The following CSMD3 variants were observed in gnomAD, a reference collection of about 807,000 sequenced individuals.
CSMD3 encodes the protein CUB and Sushi multiple domains 3.
A neutral mutation model predicts 435.2 loss-of-function variants in CSMD3; 177 were observed. The ratio of observed to expected loss-of-function variants is 0.41; its 90% CI spans 0.36 to 0.46. The LOEUF is 0.46. CSMD3 is among the 20% of genes least tolerant of loss of function. CSMD3 has a pLI of 0.34. For missense variants in CSMD3, 4,265 were observed against 4,504.6 expected (o/e 0.95, Z 1.52); for synonymous variants, 1,656 against 1,520.5 (o/e 1.09, Z -2.07).
At chr8:112,456,415 C>T (rs990110275) in intron 32 of CSMD3, among the ~76,000 whole-genome samples, 4 of 151,932 alleles carry the variant, frequency 2.6e-5, no homozygotes, top group Non-Finnish European at 5.9e-5. Flanking sequence ...GCAATAAGCA[C>T]TGAGTAGAAA....
chr8:113,418,122 A>T (rs2094590959), intron 1 of CSMD3, among the ~76,000 whole-genome samples: 1 of 152,084 alleles, frequency 6.6e-6, no homozygotes, highest in Non-Finnish European at 1.5e-5. Flanking sequence ...ACAGACATTG[A>T]CCTTTCATAT....
chr8:112,981,588 A>G (rs962562666), intron 6 of CSMD3, among the ~76,000 whole-genome samples: 1 of 151,662 alleles, frequency 6.6e-6, no homozygotes, highest in Non-Finnish European at 1.5e-5. Context: ...TAAATAAATA[A>G]TATATTTGCA....
chr8:112,777,314 A>G (rs1676917959), intron 13 of CSMD3, among the ~76,000 whole-genome samples: 1 of 151,774 alleles, frequency 6.6e-6, no homozygotes, highest in African/African-American at 2.4e-5. Flanking sequence ...TATTGGTTGT[A>G]TTTTATACTC....
intron 28 of CSMD3, among the ~76,000 whole-genome samples, chr8:112,507,139 A>G (rs1471555873): frequency 2.0e-5 from 3 of 152,188 alleles, no homozygotes; most frequent in African/African-American, 7.2e-5. Flanking sequence ...GCATTAAAAA[A>G]GTGATAAAGA....
chr8:112,750,545 T>G (rs902502397), intron 13 of CSMD3, among the ~76,000 whole-genome samples: 2 of 152,038 alleles, frequency 1.3e-5, no homozygotes, highest in Admixed American at 1.3e-4. Flanking sequence ...TAGTAAAATT[T>G]TTAACAGTAT....
chr8:113,047,837 G>C (rs2087902235), intron 5 of CSMD3, among the ~76,000 whole-genome samples: 2 of 152,110 alleles, frequency 1.3e-5, no homozygotes, highest in Non-Finnish European at 2.9e-5. Flanking sequence ...AGGTCTGGGT[G>C]TGTGTCACAG....
At chr8:113,318,844 T>C (rs999670999) in intron 1 of CSMD3, among the ~76,000 whole-genome samples, 10 of 148,188 alleles carry the variant, frequency 6.7e-5, no homozygotes, top group Non-Finnish European at 1.3e-4. Context: ...CCATTGTGTA[T>C]ATATAAAAAG....
intron 26 of CSMD3, among the ~76,000 whole-genome samples, chr8:112,551,610 T>C (rs1482416641): frequency 6.6e-6 from 1 of 152,112 alleles, no homozygotes; most frequent in African/African-American, 2.4e-5. Context: ...GGTGAATTTA[T>C]TACTTTCAAG....
chr8:113,154,629 G>A (rs1225248810), intron 4 of CSMD3, among the ~76,000 whole-genome samples: 1 of 152,024 alleles, frequency 6.6e-6, no homozygotes, highest in Non-Finnish European at 1.5e-5. Flanking sequence ...GTGAATAACA[G>A]AAGTAAACAT....
chr8:112,883,471 G>GT (rs2081504257), intron 10 of CSMD3, among the ~76,000 whole-genome samples: 1 of 151,864 alleles, frequency 6.6e-6, no homozygotes, highest in South Asian at 2.1e-4. Flanking sequence ...AATAGGTAGT[G>GT]TTTTTCTAAC....
At chr8:112,450,370 C>T (rs1285071091) in intron 32 of CSMD3, among the ~76,000 whole-genome samples, 5 of 152,094 alleles carry the variant, frequency 3.3e-5, no homozygotes, top group Non-Finnish European at 7.4e-5. Context: ...ATAGTTTGAT[C>T]CACCAGAAAA....
chr8:112,999,897 T>C (rs2085800177), intron 6 of CSMD3, among the ~76,000 whole-genome samples: 1 of 151,636 alleles, frequency 6.6e-6, no homozygotes, highest in African/African-American at 2.4e-5. Flanking sequence ...CGGAGTGAAG[T>C]GAGGAAGATG....
intron 3 of CSMD3, among the ~76,000 whole-genome samples, chr8:113,274,814 A>T (rs781071009): frequency 1.5e-5 from 2 of 137,004 alleles, no homozygotes; most frequent in Non-Finnish European, 3.1e-5. Flanking sequence ...AATCACATTC[A>T]GCTACACACA....
At chr8:112,793,084 T>C (rs530709271) in intron 13 of CSMD3, among the ~76,000 whole-genome samples, 2 of 149,986 alleles carry the variant, frequency 1.3e-5, no homozygotes, top group East Asian at 3.9e-4. Context: ...GAATACAACT[T>C]ACTGTGTGTA....
intron 7 of CSMD3, among the ~76,000 whole-genome samples, chr8:112,969,465 A>G (rs890202784): frequency 5.9e-5 from 9 of 152,044 alleles, no homozygotes; most frequent in Non-Finnish European, 4.4e-5. Flanking sequence ...TCAATTCAGC[A>G]TAATTTCATG....
chr8:113,055,016 G>T (rs2088258640), intron 5 of CSMD3, among the ~76,000 whole-genome samples: 1 of 152,080 alleles, frequency 6.6e-6, no homozygotes, highest in Non-Finnish European at 1.5e-5. Context: ...TACCTAGATA[G>T]ATCGTCCCCT....
At chr8:113,137,189 C>G (rs537428083) in intron 4 of CSMD3, among the ~76,000 whole-genome samples, 2 of 151,692 alleles carry the variant, frequency 1.3e-5, no homozygotes, top group East Asian at 3.9e-4. Context: ...GTAATATCAA[C>G]AGATACTTGT....
chr8:112,251,067 T>C (rs561912471), intron 63 of CSMD3, among the ~76,000 whole-genome samples: 10 of 151,844 alleles, frequency 6.6e-5, no homozygotes, highest in South Asian at 4.1e-4. Context: ...CAAATAACAC[T>C]TGGCATGCTA....
chr8:113,033,525 A>G (rs2087209719), intron 5 of CSMD3, among the ~76,000 whole-genome samples: 1 of 149,798 alleles, frequency 6.7e-6, no homozygotes, highest in African/African-American at 2.4e-5. Flanking sequence ...CATTTACCCA[A>G]TGCTTGTACC....
Sources: gnomAD v4.1 joint callset for allele counts (sites outside exome capture counted in the v4.1 genomes callset) on GRCh38, gnomAD v4.1.1 for gene constraint, MANE v1.5 for transcripts, NCBI Gene and HGNC (gene_info 2026-07-23, HGNC 2026-07-21) for gene names.